The following CUL4A variants were observed in gnomAD, a reference collection of about 807,000 sequenced individuals.
CUL4A encodes the protein cullin-4A.
In CUL4A, 16 loss-of-function variants were observed where a neutral mutation model predicts 95.5. The observed-to-expected ratio is 0.17, with a 90% CI of 0.11 to 0.25. CUL4A has a LOEUF of 0.25. Among genes scored for constraint, CUL4A ranks in the 10% least tolerant of loss-of-function variants. The pLI, the probability that CUL4A is intolerant of heterozygous loss-of-function variation, is 1.00. For missense variants in CUL4A, 610 were observed against 937.0 expected, an observed-to-expected ratio of 0.65 and a Z score of 4.56; for synonymous variants, 380 against 353.1, an observed-to-expected ratio of 1.08 and a Z score of -0.85.
chr13:113,261,291 A>G (rs994007153), intron 19 of CUL4A, among the ~76,000 whole-genome samples: 8 of 152,130 alleles, frequency 5.3e-5, no homozygotes, highest in Admixed American at 2.6e-4. Flanking sequence ...CGTTTTTTAC[A>G]TGTATTTATC....
chr13:113,218,847 C>A, intron 2 of CUL4A, 98 bp from the exon 3 acceptor site: 1 of 730,938 alleles, frequency 1.4e-6, no homozygotes, highest in Non-Finnish European at 2.3e-6. Context: ...GTGTGGGGTG[C>A]CTTTTTCTTA....
intron 15 of CUL4A, among the ~76,000 whole-genome samples, chr13:113,246,346 T>C (rs1194552533): frequency 2.6e-5 from 4 of 152,246 alleles, no homozygotes; most frequent in Non-Finnish European, 4.4e-5. Context: ...GCTGCGGTTC[T>C]TGTCTGGTTG....
intron 15 of CUL4A, among the ~76,000 whole-genome samples, 192 bp from the exon 16 acceptor site, chr13:113,252,890 G>A (rs534184096): frequency 1.9e-4 from 29 of 152,316 alleles, no homozygotes; most frequent in African/African-American, 5.3e-4. Flanking sequence ...GCATTATCTC[G>A]TTGACACTGA....
intron 10 of CUL4A, among the ~76,000 whole-genome samples, chr13:113,242,528 G>T (rs1371305138): frequency 6.6e-6 from 1 of 152,178 alleles, no homozygotes. Flanking sequence ...AGGGGCTCAT[G>T]CCTGTAAACC....
At chr13:113,242,517 CAG>C (rs925474412) in intron 10 of CUL4A, among the ~76,000 whole-genome samples, 2 of 152,172 alleles carry the variant, frequency 1.3e-5, no homozygotes, top group African/African-American at 2.4e-5. Context: ...ACACCAAGCA[CAG>C]GGGCTCATGC....
chr13:113,236,103 T>C (rs532838103), intron 8 of CUL4A, among the ~76,000 whole-genome samples: 3 of 151,538 alleles, frequency 2.0e-5, no homozygotes, highest in East Asian at 1.9e-4. Flanking sequence ...GAAAATGATA[T>C]GGTGTGCAGA....
At position 113,216,001 on chromosome 13, in the gene CUL4A, A is replaced by G. The variant is rs575356967; in HGVS notation, c.265-2944A>G. Among the ~76,000 whole-genome samples, 3 of 133,768 alleles carry G rather than the reference A, an allele frequency of 2.2e-5. No individual in the cohort carries two copies. The South Asian group carries it at 7.4e-4, about 33-fold the overall frequency. 87.8% of individuals were successfully genotyped at this position (133,768 alleles called of 152,430 possible). ...TGGGTGACTATGGTGGTCACGTCCC[A>G]TGGTCCCATGTGGCTGTGGAGGTCG... On this transcript the variant is annotated intron_variant, in intron 2 of 19. Transcript: ENST00000375440.
intron 3 of CUL4A, among the ~76,000 whole-genome samples, chr13:113,220,678 A>T (rs530941265): frequency 6.6e-6 from 1 of 152,268 alleles, no homozygotes; most frequent in South Asian, 2.1e-4. Flanking sequence ...GAAAACGACT[A>T]TCTGATTACC....
intron 3 of CUL4A, among the ~76,000 whole-genome samples, chr13:113,225,702 C>A (rs2041077299): frequency 6.6e-6 from 1 of 152,224 alleles, no homozygotes; most frequent in Non-Finnish European, 1.5e-5. Flanking sequence ...GAGGTCCAGG[C>A]CGCAGTTCCC....
At position 113,254,803 on chromosome 13, in the gene CUL4A, G is replaced by A. The variant is rs1223856972; in HGVS notation, c.1858+5G>A. ...TAAAAATGGCCACGGGGATAGGTAC[G>A]AAAACTGCAGAGTGCATAGCTCCAT... On this transcript the variant is annotated splice_donor_5th_base_variant and intron_variant, in intron 17 of 19. Coordinates refer to ENST00000375440, the MANE Select transcript of CUL4A (RefSeq NM_001008895.4). The A allele has an allele frequency of 3.7e-6, 6 of 1,608,668 alleles. No homozygotes were observed. Among genetic ancestry groups the A allele is most frequent in the Non-Finnish European group, 5.1e-6 (6 of 1,175,630 alleles).
rs1285102127 is a variant in CUL4A at position 113,266,129 on chromosome 13, TCTC to T, written c.*2548_*2550del. On this transcript the variant is annotated 3_prime_UTR_variant, in exon 20 of 20. Transcript: ENST00000375440. ...CTTCTGGGCTCAAGCGATCCTCTCT[TCTC>T]AGCCACCTGAGTAGCTGGGCCTACA... 3 of 152,148 alleles carry T rather than the reference TCTC, an allele frequency of 2.0e-5. No individual in the cohort carries two copies. Among genetic ancestry groups the T allele is most frequent in the African/African-American group, 4.8e-5 (2 of 41,410 alleles). 9.4% of individuals were successfully genotyped at this position (152,148 alleles called of 1,614,324 possible).
Position 113,266,590 on chromosome 13 carries a change from T to C in CUL4A, c.*3008T>C, listed in dbSNP as rs2042399403. The C allele has an allele frequency of 6.6e-6, 1 of 152,216 alleles. No homozygotes were observed. The highest frequency in any genetic ancestry group is 1.5e-5 in the Non-Finnish European group (1 of 68,042). The allele number at this position is 152,216 out of a possible 1,614,324, so 9.4% of individuals were successfully genotyped here. A position where few individuals can be genotyped will look rare whatever the true frequency, so the allele number is the denominator to read the frequency against. On this transcript the variant is annotated 3_prime_UTR_variant, in exon 20 of 20. Coordinates refer to ENST00000375440, the MANE Select transcript of CUL4A (RefSeq NM_001008895.4). The stretch of plus-strand genomic sequence containing the variant: ...TTCTGCTGTTTTTAGAACATTGTAA[T>C]TGAAACAGCATGATGCTGGCCCTTT...
At chr13:113,259,516 C>G (rs1453745071) in intron 18 of CUL4A, among the ~76,000 whole-genome samples, 1 of 152,124 alleles carries the variant, frequency 6.6e-6, no homozygotes, top group Non-Finnish European at 1.5e-5. Context: ...TGTTCAGATG[C>G]TTTTTTATTC....
At chr13:113,216,703 G>C (rs1298778344) in intron 2 of CUL4A, among the ~76,000 whole-genome samples, 1 of 152,182 alleles carries the variant, frequency 6.6e-6, no homozygotes, top group Non-Finnish European at 1.5e-5. Flanking sequence ...ATGATTGAGT[G>C]TCAAAAATCC....
Position 113,244,434 on chromosome 13 carries a change from G to A in CUL4A, c.1253G>A (p.Arg418Lys), listed in dbSNP as rs772066176. Residue 418 changes from arginine (R) to lysine (K), a missense_variant, in exon 12 of 20, where the codon AGA (arginine) becomes AAA (lysine). By Grantham distance (26) the Arg-to-Lys change is conservative. Transcript: ENST00000375440. The part of the protein sequence containing the change: ...LIAKHVDSKL[R>K]AGNKEATDEE... ...GCAAAGCATGTGGATTCAAAGTTAA[G>A]AGCAGGCAACAAAGAAGCCACAGAC... is the stretch of plus-strand genomic sequence containing the variant. 1 of 1,613,620 alleles carries A rather than the reference G, an allele frequency of 6.2e-7. No homozygotes were observed. Among genetic ancestry groups the A allele is most frequent in the South Asian group, 1.1e-5 (1 of 90,904 alleles).
At chr13:113,238,328 A>G (rs2041610413) in intron 9 of CUL4A, among the ~76,000 whole-genome samples, 1 of 151,974 alleles carries the variant, frequency 6.6e-6, no homozygotes, top group Non-Finnish European at 1.5e-5. Context: ...GTGCATGCCT[A>G]GGGTACCAGC....
intron 2 of CUL4A, among the ~76,000 whole-genome samples, chr13:113,210,932 TTGTC>T (rs758728421): frequency 6.6e-6 from 1 of 152,220 alleles, no homozygotes; most frequent in African/African-American, 2.4e-5. Context: ...CATCCATTCT[TTGTC>T]TGAAGTGTAA....
intron 5 of CUL4A, among the ~76,000 whole-genome samples, chr13:113,232,536 A>G (rs967834835): frequency 6.6e-6 from 1 of 152,238 alleles, no homozygotes; most frequent in Non-Finnish European, 1.5e-5. Context: ...CACTGGGGAC[A>G]GTAGGAGTGT....
chr13:113,267,030 A>G lies in CUL4A; in HGVS notation c.*3448A>G, dbSNP rs2042407682. The G allele has an allele frequency of 6.6e-6, 1 of 152,174 alleles. No homozygotes were observed. Among genetic ancestry groups the G allele is most frequent in the South Asian group, 2.1e-4 (1 of 4,830 alleles). The allele number at this position is 152,174 out of a possible 1,614,324, so 9.4% of individuals were successfully genotyped here. A position where few individuals can be genotyped will look rare whatever the true frequency, so the allele number is the denominator to read the frequency against. ...TACTCTTAGCAATTTTGAAATGTAC[A>G]ATACTCAATTTTTGACTGTATTCAC... On this transcript the variant is annotated 3_prime_UTR_variant, in exon 20 of 20. Transcript: ENST00000375440.
Sources: allele counts gnomAD v4.1 joint callset (sites outside exome capture counted in the v4.1 genomes callset), GRCh38; gene constraint gnomAD v4.1.1; transcripts MANE v1.5; gene names NCBI Gene and HGNC (gene_info 2026-07-23, HGNC 2026-07-21).